Variants in AKAP11 observed in about 807,000 individuals in gnomAD.
The protein encoded by AKAP11 is A-kinase anchoring protein 11.
In AKAP11, 36 loss-of-function variants were observed where a neutral mutation model predicts 146.1. That is an observed-to-expected ratio of 0.25 (90% CI 0.19 to 0.33). The LOEUF is 0.33. Among genes scored for constraint, AKAP11 ranks in the 10% least tolerant of loss-of-function variants. The probability of loss-of-function intolerance (pLI) is 1.00; values close to 1 mark genes in which losing one functional copy is unlikely to be tolerated. For missense variants in AKAP11, 2,201 were observed against 2,197.0 expected, an observed-to-expected ratio of 1.00 and a Z score of -0.04; for synonymous variants, 780 against 786.5, an observed-to-expected ratio of 0.99 and a Z score of 0.14.
In AKAP11 at chr13:42,298,772, A is replaced by G; in HGVS notation, c.591A>G (p.Glu197=). The change falls in exon 7 of 13, where the codon GAA becomes GAG. Residue 197 remains glutamate, a synonymous_variant. Transcript: ENST00000025301. ...FVTAFEHLEE[E]ETSKPYNDGM... is the part of the protein sequence containing the mutation. ...CTGCTTTTGAGCACTTAGAAGAGGA[A>G]GAGACTTCAAAGCCATACAATGATG... The G allele has an allele frequency of 6.3e-7, 1 of 1,590,066 alleles. No individual in the cohort carries two copies. Among genetic ancestry groups the G allele is most frequent in the South Asian group, 1.2e-5 (1 of 85,598 alleles).
In AKAP11 at chr13:42,303,351, T is replaced by C. The variant is rs1960063571; in HGVS notation, c.4605T>C (p.Asn1535=). 6.2e-7 allele frequency: 1 copy of C among 1,612,848 alleles called. No homozygotes were observed. The highest frequency in any genetic ancestry group is 2.2e-5 in the East Asian group (1 of 44,892). Reference sequence around the variant, plus strand: ...TAAATGGATATGGTTGTGGAGACAATGTTGTTCAAGCTGTAGAACAGTATG... The same window carrying C: ...TAAATGGATATGGTTGTGGAGACAACGTTGTTCAAGCTGTAGAACAGTATG... ...GSLNGYGCGD[N]VVQAVEQYAK... The change falls in exon 8 of 13, where the codon AAT becomes AAC. Residue 1535 remains asparagine (N), a synonymous_variant. Coordinates refer to ENST00000025301, the MANE Select transcript of AKAP11 (RefSeq NM_016248.4).
intron 4 of AKAP11, 98 bp from the exon 5 acceptor site, chr13:42,295,597 T>G: frequency 8.5e-7 from 1 of 1,181,242 alleles, no homozygotes; most frequent in Admixed American, 1.9e-5. Flanking sequence ...AGACAGCATT[T>G]TAATGCTTTG....
Position 42,298,514 on chromosome 13 carries a change from A to G in AKAP11, c.352-19A>G, listed in dbSNP as rs750520338. The G allele has an allele frequency of 2.5e-6, 4 of 1,603,070 alleles. No individual in the cohort carries two copies. Among genetic ancestry groups the G allele is most frequent in the Middle Eastern group, 1.7e-4 (1 of 6,018 alleles). On this transcript the variant is annotated intron_variant, in intron 6 of 12. Transcript: ENST00000025301. ...ATTTGAAATTAAAATTGTTTTTATT[A>G]TCTTTTATCTTTCCCAAGAGTCATC...
chr13:42,321,086 A>G lies in AKAP11; in HGVS notation c.*1858A>G, dbSNP rs1566300219. The G allele has an allele frequency of 6.6e-6, 1 of 152,264 alleles. No individual in the cohort carries two copies. The highest frequency in any genetic ancestry group is 2.4e-5 in the African/African-American group (1 of 41,412). The allele number at this position is 152,264 out of a possible 1,614,324, so 9.4% of individuals were successfully genotyped here. On this transcript the variant is annotated 3_prime_UTR_variant, in exon 13 of 13. Coordinates refer to ENST00000025301, the MANE Select transcript of AKAP11 (RefSeq NM_016248.4). ...GGCAGCACTGGACTGGGTTTTTTTAAATGTTAGGACTAGGAATGTTTGCTC... is the reference window on the plus strand; with the variant it reads ...GGCAGCACTGGACTGGGTTTTTTTAGATGTTAGGACTAGGAATGTTTGCTC...
rs760289713 is a variant in AKAP11, at chr13:42,299,634, A to C, written c.888A>C (p.Lys296Asn). The C allele has an allele frequency of 8.7e-6, 14 of 1,613,962 alleles. No individual in the cohort carries two copies. The Admixed American group carries it at 2.3e-4, about 27-fold the overall frequency. The change falls in exon 8 of 13, where the codon AAA becomes AAC. Residue 296 changes from lysine to asparagine, a missense_variant. By Grantham distance (94) the Lys-to-Asn change is moderately conservative. Around this residue, in one of 3 missense-constraint regions of AKAP11, gnomAD observed 331 missense variants for 347.4 expected, o/e 0.95. Coordinates refer to ENST00000025301, the MANE Select transcript of AKAP11 (RefSeq NM_016248.4). The stretch of plus-strand genomic sequence containing the variant: ...CAGATAAAGATAGTGATTTACAGAA[A>C]ACATTTTTTTCGTCTTCTCCTGCCT... ...NASDKDSDLQKTFFSSSPAYS... is the reference protein window; with the variant it reads ...NASDKDSDLQNTFFSSSPAYS...
chr13:42,310,662 C>T (rs1200737837), intron 9 of AKAP11, among the ~76,000 whole-genome samples: 1 of 152,044 alleles, frequency 6.6e-6, no homozygotes, highest in African/African-American at 2.4e-5. Flanking sequence ...AGTTCAAGAC[C>T]AGCCTGGGCA....
At chr13:42,293,036 A>T (rs1269398839) in intron 4 of AKAP11, among the ~76,000 whole-genome samples, 2 of 152,190 alleles carry the variant, frequency 1.3e-5, no homozygotes, top group African/African-American at 4.8e-5. Context: ...TCTTTGTTTG[A>T]ATTTATTATT....
At chr13:42,276,585 C>T (rs891318589) in intron 1 of AKAP11, among the ~76,000 whole-genome samples, 2 of 152,140 alleles carry the variant, frequency 1.3e-5, no homozygotes, top group Middle Eastern at 3.2e-3. Flanking sequence ...TACTGTCTTC[C>T]AGTTACCTTC....
chr13:42,319,094 A>G lies in AKAP11; in HGVS notation c.5572A>G (p.Lys1858Glu). 6.2e-7 allele frequency: 1 copy of G among 1,613,412 alleles called. No individual in the cohort carries two copies. Residue 1858 changes from lysine (K) to glutamate (E), a missense_variant, in exon 13 of 13, where the codon AAA becomes GAA. Lys to Glu is a moderately conservative substitution (Grantham distance 56). This residue lies in a region of AKAP11 where 1,867 missense variants were observed against 1,833.5 expected (regional missense o/e 1.02). Transcript: ENST00000025301. ...SANKEFMLLS[K>E]QLQEKGWKVG... ...ACACATCTTTCTTTCTTAGCTTTCA[A>G]AACAATTACAAGAGAAAGGATGGAA...
rs534200626 is a variant in AKAP11, at chr13:42,287,472, G to A, written c.51+1073G>A. Among the ~76,000 whole-genome samples the A allele has an allele frequency of 2.6e-5, 4 of 152,052 alleles. No individual in the cohort carries two copies. The South Asian group carries it at 8.3e-4, about 32-fold the overall frequency. On this transcript the variant is annotated intron_variant, in intron 3 of 12. Transcript: ENST00000025301. ...CTAATTTTTTTGTATTTTTAGTAGA[G>A]ACGGGGTTTCACCGTGTTAGCCAGG... is the stretch of plus-strand genomic sequence containing the variant.
At position 42,322,881 on chromosome 13, in the gene AKAP11, C is replaced by T. The variant is rs540619163; in HGVS notation, c.*3653C>T. 2.0e-5 allele frequency: 3 copies of T among 152,490 alleles called. No homozygotes were observed. The highest frequency in any genetic ancestry group is 6.5e-5 in the Admixed American group (1 of 15,282). The allele number at this position is 152,490 out of a possible 1,614,324, so 9.4% of individuals were successfully genotyped here. On this transcript the variant is annotated 3_prime_UTR_variant, in exon 13 of 13. Transcript: ENST00000025301. ...TAATGTTTGAATACTATTTAATATC[C>T]GGTTTTAATATTGCTGGATTTGCTA...
chr13:42,308,503 C>G lies in AKAP11; in HGVS notation c.5167C>G (p.Gln1723Glu). ...FQSTESVSSQQMNLSIGDDST... is the reference protein window; with the variant it reads ...FQSTESVSSQEMNLSIGDDST... ...GTCAACCGAGTCTGTCAGTAGCCAG[C>G]AGATGAACCTCAGTATTGGTGATGA... Residue 1723 changes from glutamine (Q) to glutamate (E), a missense_variant, in exon 9 of 13, where the codon CAG (glutamine) becomes GAG (glutamate). Coordinates refer to ENST00000025301, the MANE Select transcript of AKAP11 (RefSeq NM_016248.4). 2 of 1,611,534 alleles carry G rather than the reference C, an allele frequency of 1.2e-6. No individual in the cohort carries two copies. The highest frequency in any genetic ancestry group is 8.5e-7 in the Non-Finnish European group (1 of 1,178,312).
At chr13:42,273,011 A>G (rs1171965566) in intron 1 of AKAP11, among the ~76,000 whole-genome samples, 9 of 152,180 alleles carry the variant, frequency 5.9e-5, no homozygotes, top group African/African-American at 2.4e-5. Context: ...CTAAAACCAT[A>G]TAAAGTTGGA....
chr13:42,291,214 T>A (rs1959208114), intron 3 of AKAP11, among the ~76,000 whole-genome samples: 1 of 152,190 alleles, frequency 6.6e-6, no homozygotes, highest in Non-Finnish European at 1.5e-5. Flanking sequence ...ACTTCCATAA[T>A]TTGTTTTAAT....
rs1959134174 is a variant in AKAP11, at chr13:42,284,816, G to T, written c.-99-1170G>T. 2.6e-5 allele frequency among the ~76,000 whole-genome samples: 4 copies of T among 152,186 alleles called. No individual in the cohort carries two copies. In the South Asian group the frequency reaches 6.2e-4, roughly 24 times the overall value. On this transcript the variant is annotated intron_variant, in intron 1 of 12. Transcript: ENST00000025301. ...ACGCATGATCGTCTTCTGGATTCTG[G>T]GGTATCACCCTTTACCTTGTGCTGT...
At chr13:42,311,050 T>C (rs563095172) in intron 9 of AKAP11, among the ~76,000 whole-genome samples, 1 of 152,256 alleles carries the variant, frequency 6.6e-6, no homozygotes, top group Non-Finnish European at 1.5e-5. Flanking sequence ...ATTTAGGTAG[T>C]TTGTTATTCT....
intron 3 of AKAP11, 67 bp downstream of exon 3, chr13:42,286,466 C>A: frequency 8.4e-7 from 1 of 1,191,802 alleles, no homozygotes; most frequent in South Asian, 1.5e-5. Flanking sequence ...TTTTTTAAGT[C>A]CTACAGCTAT....
At chr13:42,304,416 C>T (rs932224089) in intron 8 of AKAP11, among the ~76,000 whole-genome samples, 4 of 152,200 alleles carry the variant, frequency 2.6e-5, no homozygotes, top group African/African-American at 9.6e-5. Flanking sequence ...GTCCACAAAC[C>T]TGGTATGTAC....
intron 5 of AKAP11, among the ~76,000 whole-genome samples, chr13:42,296,072 T>C (rs1057031253): frequency 1.3e-5 from 2 of 152,228 alleles, no homozygotes; most frequent in African/African-American, 2.4e-5. Flanking sequence ...GAGATTGGGA[T>C]CAGCAAAGGA....
Sources: gnomAD v4.1 joint callset for allele counts (sites outside exome capture counted in the v4.1 genomes callset) on GRCh38, gnomAD v4.1.1 for gene constraint, gnomAD v4.1.1 regional missense constraint, MANE v1.5 for transcripts, NCBI Gene and HGNC (gene_info 2026-07-23, HGNC 2026-07-21) for gene names.